The following SLC9A9 variants were observed in gnomAD, a reference collection of about 807,000 sequenced individuals.
The protein encoded by SLC9A9 is sodium/hydrogen exchanger 9.
A neutral mutation model predicts 77.8 loss-of-function variants in SLC9A9; 62 were observed. That is an observed-to-expected ratio of 0.80 (90% CI 0.65 to 0.98). The LOEUF is 0.98. SLC9A9 is among the 50% of genes least tolerant of loss of function. The pLI, the probability that SLC9A9 is intolerant of heterozygous loss-of-function variation, is 0.00. For missense variants in SLC9A9, 775 were observed against 774.9 expected (o/e 1.00, Z 0.00); for synonymous variants, 320 against 283.5 (o/e 1.13, Z -1.29).
At chr3:143,846,883 C>A (rs988960454) in intron 1 of SLC9A9, among the ~76,000 whole-genome samples, 2 of 151,966 alleles carry the variant, frequency 1.3e-5, no homozygotes, top group Non-Finnish European at 2.9e-5. Flanking sequence ...CATTTAACAT[C>A]AGGTATATCT....
chr3:143,751,724 T>C (rs1009154048), intron 4 of SLC9A9, among the ~76,000 whole-genome samples: 15 of 152,218 alleles, frequency 9.9e-5, no homozygotes, highest in African/African-American at 3.6e-4. Context: ...GTGAGAGGGA[T>C]GACAGGAAGT....
intron 1 of SLC9A9, among the ~76,000 whole-genome samples, chr3:143,841,771 T>G (rs1218090275): frequency 9.9e-5 from 2 of 20,122 alleles, no homozygotes; most frequent in Non-Finnish European, 4.2e-4. Context: ...TTATTTTTCT[T>G]TTTTGATACA....
intron 5 of SLC9A9, among the ~76,000 whole-genome samples, chr3:143,676,907 T>A (rs1932905831): frequency 6.6e-6 from 1 of 152,144 alleles, no homozygotes; most frequent in African/African-American, 2.4e-5. Context: ...GAGTTGTAAA[T>A]CTGAACTCCC....
At chr3:143,416,799 G>A (rs552665436) in intron 12 of SLC9A9, among the ~76,000 whole-genome samples, 3 of 152,256 alleles carry the variant, frequency 2.0e-5, no homozygotes, top group African/African-American at 7.2e-5. Context: ...TATTACATGT[G>A]TATATCTGTA....
chr3:143,485,181 A>T (rs1285835031), intron 11 of SLC9A9, among the ~76,000 whole-genome samples: 5 of 152,036 alleles, frequency 3.3e-5, no homozygotes, highest in African/African-American at 1.2e-4. Context: ...AGCAAAAAGG[A>T]CTCTGTTCTC....
chr3:143,624,045 C>A (rs1019209903), intron 6 of SLC9A9, among the ~76,000 whole-genome samples: 1 of 152,130 alleles, frequency 6.6e-6, no homozygotes, highest in African/African-American at 2.4e-5. Flanking sequence ...GACACATACA[C>A]CCTCCCAAGA....
At chr3:143,279,666 T>C (rs534415370) in intron 14 of SLC9A9, among the ~76,000 whole-genome samples, 1 of 152,164 alleles carries the variant, frequency 6.6e-6, no homozygotes, top group Non-Finnish European at 1.5e-5. Flanking sequence ...CATGCGGTGT[T>C]TGGTTTTCTG....
At chr3:143,722,421 C>T (rs936277618) in intron 4 of SLC9A9, among the ~76,000 whole-genome samples, 5 of 127,042 alleles carry the variant, frequency 3.9e-5, no homozygotes, top group East Asian at 2.5e-4. Flanking sequence ...TGCAGTGAGC[C>T]GAGATCAGGC....
At position 143,448,861 on chromosome 3, in the gene SLC9A9, ATATAT is replaced by A. The variant is rs941818282; in HGVS notation, c.1469+18171_1469+18175del. Reference sequence around the variant, plus strand: ...TAATTATAATATATTATGTTATATAATATATTATATAATATGATATATATTATATA... The same window carrying A: ...TAATTATAATATATTATGTTATATAATATATAATATGATATATATTATATA... On this transcript the variant is annotated intron_variant, in intron 12 of 15. Transcript: ENST00000316549. 7.6e-5 allele frequency among the ~76,000 whole-genome samples: 3 copies of A among 39,424 alleles called. 1 individual carries two copies. Among genetic ancestry groups the A allele is most frequent in the Non-Finnish European group, 1.0e-4 (3 of 28,620 alleles). The allele number at this position is 39,424 out of a possible 152,430, so 25.9% of individuals were successfully genotyped here.
chr3:143,654,701 G>A (rs961192865), intron 5 of SLC9A9, among the ~76,000 whole-genome samples: 1 of 152,010 alleles, frequency 6.6e-6, no homozygotes, highest in African/African-American at 2.4e-5. Context: ...TTTAGACTCT[G>A]TAGCTGTTCA....
intron 2 of SLC9A9, among the ~76,000 whole-genome samples, chr3:143,821,445 G>A (rs186610976): frequency 1.2e-4 from 18 of 152,270 alleles, no homozygotes; most frequent in Admixed American, 1.0e-3. Flanking sequence ...AGAACTTTAT[G>A]CACTTCGCCA....
At chr3:143,278,444 T>A (rs1041709449) in intron 14 of SLC9A9, among the ~76,000 whole-genome samples, 3 of 152,168 alleles carry the variant, frequency 2.0e-5, no homozygotes, top group African/African-American at 7.2e-5. Flanking sequence ...GTCTATTAGT[T>A]TCATAGGGCT....
chr3:143,645,457 T>C (rs2038689514), intron 6 of SLC9A9, among the ~76,000 whole-genome samples: 2 of 152,206 alleles, frequency 1.3e-5, no homozygotes, highest in African/African-American at 4.8e-5. Flanking sequence ...TGAGTGGCTA[T>C]GCCCATCCAG....
At chr3:143,419,933 G>A (rs867826129) in intron 12 of SLC9A9, among the ~76,000 whole-genome samples, 7 of 152,182 alleles carry the variant, frequency 4.6e-5, no homozygotes, top group Non-Finnish European at 8.8e-5. Flanking sequence ...TGGTCATTTT[G>A]TTCTTGCATT....
At chr3:143,468,667 A>G (rs10935495) in intron 11 of SLC9A9, among the ~76,000 whole-genome samples, 25,888 of 152,250 alleles carry the variant, frequency 0.17, 3,584 homozygotes, top group African/African-American at 0.38. Context: ...CAGACAACAA[A>G]GAAAACTAAG....
At chr3:143,784,049 G>C (rs2007968518) in intron 4 of SLC9A9, among the ~76,000 whole-genome samples, 1 of 152,154 alleles carries the variant, frequency 6.6e-6, no homozygotes, top group African/African-American at 2.4e-5. Context: ...TGCAGCCACG[G>C]AAGAGATTCC....
intron 9 of SLC9A9, chr3:143,503,437 C>G (rs762148759): frequency 2.8e-6 from 1 of 355,734 alleles, no homozygotes; most frequent in African/African-American, 2.2e-5. Context: ...AGGAGACAAC[C>G]TGGTGCTCAC....
intron 11 of SLC9A9, among the ~76,000 whole-genome samples, chr3:143,473,134 C>T (rs1399899302): frequency 6.6e-6 from 1 of 152,152 alleles, no homozygotes; most frequent in Non-Finnish European, 1.5e-5. Flanking sequence ...GAGAGCCCAG[C>T]TCCTCTCATT....
At chr3:143,591,620 A>G (rs138830299) in intron 6 of SLC9A9, among the ~76,000 whole-genome samples, 3 of 152,368 alleles carry the variant, frequency 2.0e-5, no homozygotes, top group South Asian at 2.1e-4. Flanking sequence ...TCAAGCAATT[A>G]ATAGACCTGT....
Sources: gnomAD v4.1 joint callset for allele counts (sites outside exome capture counted in the v4.1 genomes callset) on GRCh38, gnomAD v4.1.1 for gene constraint, MANE v1.5 for transcripts, NCBI Gene and HGNC (gene_info 2026-07-23, HGNC 2026-07-21) for gene names.